The following PXDNL variants were observed in gnomAD, a reference collection of about 807,000 sequenced individuals.
PXDNL encodes probable oxidoreductase PXDNL.
PXDNL carries 145 observed loss-of-function variants against 150.8 expected under a neutral mutation model. The ratio of observed to expected loss-of-function variants is 0.96; its 90% CI spans 0.84 to 1.10. The LOEUF (loss-of-function observed/expected upper bound fraction) is 1.10, where lower values mean the gene tolerates loss of function less well. Among genes scored for constraint, PXDNL ranks in the 50% least tolerant of loss-of-function variants. PXDNL has a pLI of 0.00. For missense variants in PXDNL, 2,087 were observed against 1,873.9 expected, an observed-to-expected ratio of 1.11 and a Z score of -2.10; for synonymous variants, 757 against 725.7, an observed-to-expected ratio of 1.04 and a Z score of -0.69.
intron 4 of PXDNL, among the ~76,000 whole-genome samples, chr8:51,523,719 C>T (rs1249631637): frequency 6.6e-6 from 1 of 152,204 alleles, no homozygotes; most frequent in Non-Finnish European, 1.5e-5. Flanking sequence ...GGCTCCCATA[C>T]TTTTACTTTA....
At position 51,578,002 on chromosome 8, in the gene PXDNL, G is replaced by A. The variant is rs549688480; in HGVS notation, c.308+14625C>T. On this transcript the variant is annotated intron_variant, in intron 3 of 22. Coordinates refer to ENST00000356297, the MANE Select transcript of PXDNL (RefSeq NM_144651.5). ...AAGAAAGAAAGAAAGAAAGAAAGAG[G>A]AAGGAAGGAAGGAAGGAAGGAAGGA... Among the ~76,000 whole-genome samples, 108 of 55,032 alleles carry A rather than the reference G, an allele frequency of 2.0e-3. 2 individuals are homozygous for A. Among genetic ancestry groups the A allele is most frequent in the African/African-American group, 9.7e-3 (96 of 9,876 alleles). 36.1% of individuals were successfully genotyped at this position (55,032 alleles called of 152,430 possible).
intron 21 of PXDNL, among the ~76,000 whole-genome samples, chr8:51,333,133 A>G (rs1446083110): frequency 2.0e-5 from 3 of 152,252 alleles, no homozygotes; most frequent in African/African-American, 7.2e-5. Context: ...GATTAACAGC[A>G]GACTTCTCAG....
rs144920445 is a variant in PXDNL, at chr8:51,662,221, A to G, written c.165-7461T>C. Among the ~76,000 whole-genome samples the G allele has an allele frequency of 1.7e-3, 254 of 152,308 alleles. 3 individuals carry two copies. The highest frequency in any genetic ancestry group is 5.8e-3 in the African/African-American group (243 of 41,578). The stretch of plus-strand genomic sequence containing the variant: ...AGATCAAAAATATTTGGAAGAAGCA[A>G]CAAAAAATAAAAATATGGCCGGGCA... On this transcript the variant is annotated intron_variant, in intron 1 of 22. Coordinates refer to ENST00000356297, the MANE Select transcript of PXDNL (RefSeq NM_144651.5).
At chr8:51,422,146 A>G (rs980323192) in intron 14 of PXDNL, among the ~76,000 whole-genome samples, 1 of 149,852 alleles carries the variant, frequency 6.7e-6, no homozygotes, top group Non-Finnish European at 1.5e-5. Context: ...GTCTCCCATC[A>G]CCCCCAGATG....
chr8:51,531,605 A>G (rs1811909402), intron 4 of PXDNL, among the ~76,000 whole-genome samples: 1 of 152,204 alleles, frequency 6.6e-6, no homozygotes, highest in Non-Finnish European at 1.5e-5. Flanking sequence ...TTGGGTCAGC[A>G]GAGAGATGGA....
At chr8:51,476,469 C>T (rs933419218) in intron 6 of PXDNL, among the ~76,000 whole-genome samples, 3 of 152,138 alleles carry the variant, frequency 2.0e-5, no homozygotes, top group Non-Finnish European at 2.9e-5. Flanking sequence ...AACAGGAAGG[C>T]GATGGCTCTT....
At chr8:51,507,999 C>T (rs1811328926) in intron 4 of PXDNL, among the ~76,000 whole-genome samples, 1 of 151,928 alleles carries the variant, frequency 6.6e-6, no homozygotes, top group African/African-American at 2.4e-5. Context: ...CCAAAGGATC[C>T]TAGAAAAATG....
At chr8:51,606,415 T>C (rs1057191336) in intron 2 of PXDNL, among the ~76,000 whole-genome samples, 6 of 152,236 alleles carry the variant, frequency 3.9e-5, no homozygotes, top group African/African-American at 1.2e-4. Flanking sequence ...TAGGACACTT[T>C]CTGTTTGTGG....
chr8:51,638,859 C>T (rs1814671254), intron 2 of PXDNL, among the ~76,000 whole-genome samples: 1 of 152,142 alleles, frequency 6.6e-6, no homozygotes, highest in South Asian at 2.1e-4. Context: ...ACCTAATAGA[C>T]ATCTACAGAA....
intron 2 of PXDNL, among the ~76,000 whole-genome samples, chr8:51,623,489 T>C (rs1417099759): frequency 6.6e-6 from 1 of 152,258 alleles, no homozygotes. Flanking sequence ...TGTGTGTGCC[T>C]GTGCATGAGC....
At chr8:51,484,431 T>C (rs1337681255) in intron 5 of PXDNL, among the ~76,000 whole-genome samples, 6 of 48,430 alleles carry the variant, frequency 1.2e-4, no homozygotes, top group African/African-American at 2.9e-4. Context: ...CAAGACTCTG[T>C]CTCGAAAAAA....
intron 10 of PXDNL, among the ~76,000 whole-genome samples, chr8:51,450,963 A>G (rs909246862): frequency 1.4e-4 from 22 of 152,176 alleles, no homozygotes; most frequent in Non-Finnish European, 2.4e-4. Flanking sequence ...AAAAAGAACA[A>G]AAATATTTCT....
At chr8:51,485,749 G>T in intron 5 of PXDNL, among the ~76,000 whole-genome samples, 1 of 152,112 alleles carries the variant, frequency 6.6e-6, no homozygotes, top group East Asian at 1.9e-4. Flanking sequence ...CCATTGCACT[G>T]GTCCCTATAC....
chr8:51,514,999 A>T (rs1476331962), intron 4 of PXDNL, among the ~76,000 whole-genome samples: 2 of 152,212 alleles, frequency 1.3e-5, no homozygotes, highest in Non-Finnish European at 2.9e-5. Flanking sequence ...AGAAATACAT[A>T]GTAAAGAATA....
intron 3 of PXDNL, among the ~76,000 whole-genome samples, chr8:51,591,985 T>C (rs1305359626): frequency 6.6e-6 from 1 of 152,210 alleles, no homozygotes; most frequent in African/African-American, 2.4e-5. Flanking sequence ...ATAAAAGCCC[T>C]TGTAGTTTGT....
chr8:51,755,561 G>A (rs2130985237), intron 1 of PXDNL, among the ~76,000 whole-genome samples: 1 of 152,252 alleles, frequency 6.6e-6, no homozygotes, highest in African/African-American at 2.4e-5. Flanking sequence ...CAAAGTGCTG[G>A]GGTTTCAGGC....
chr8:51,684,717 G>A (rs189012391), intron 1 of PXDNL, among the ~76,000 whole-genome samples: 414 of 152,324 alleles, frequency 2.7e-3, no homozygotes, highest in Non-Finnish European at 5.3e-3. Context: ...GTGATTGGAA[G>A]CAACAGACAT....
chr8:51,513,747 A>T (rs1041041852), intron 4 of PXDNL, among the ~76,000 whole-genome samples: 2 of 152,232 alleles, frequency 1.3e-5, no homozygotes, highest in African/African-American at 4.8e-5. Flanking sequence ...TTGTAAATGC[A>T]TCTACTGTAA....
chr8:51,474,901 T>C (rs1345859653), intron 7 of PXDNL, 71 bp downstream of exon 7: 2 of 1,301,532 alleles, frequency 1.5e-6, no homozygotes, highest in Middle Eastern at 2.8e-4. Context: ...CAATATTATA[T>C]AATAAACCTT....
Sources: gnomAD v4.1 joint callset for allele counts (sites outside exome capture counted in the v4.1 genomes callset) on GRCh38, gnomAD v4.1.1 for gene constraint, MANE v1.5 for transcripts, NCBI Gene and HGNC (gene_info 2026-07-23, HGNC 2026-07-21) for gene names.